JKAMP: variants seen among roughly 807,000 people sequenced by gnomAD.
The protein encoded by JKAMP is JNK1/MAPK8-associated membrane protein.
In JKAMP, 20 loss-of-function variants were observed where a neutral mutation model predicts 40.2. That is an observed-to-expected ratio of 0.50 (90% CI 0.35 to 0.72). JKAMP has a LOEUF of 0.72. Among genes scored for constraint, JKAMP ranks in the 30% least tolerant of loss-of-function variants. JKAMP has a pLI of 0.01. For synonymous variants in JKAMP, 138 were observed against 131.6 expected, an observed-to-expected ratio of 1.05 and a Z score of -0.33; for missense variants, 276 against 373.0, an observed-to-expected ratio of 0.74 and a Z score of 2.14.
Position 59,505,162 on chromosome 14 carries a change from G to T in JKAMP, c.*1090G>T. 3 of 660,122 alleles carry T rather than the reference G, an allele frequency of 4.5e-6. No individual in the cohort carries two copies. Among genetic ancestry groups the T allele is most frequent in the Non-Finnish European group, 7.2e-6 (3 of 418,148 alleles). 40.9% of individuals were successfully genotyped at this position (660,122 alleles called of 1,614,324 possible). On this transcript the variant is annotated 3_prime_UTR_variant, in exon 7 of 7. Coordinates refer to ENST00000616435, the MANE Select transcript of JKAMP (RefSeq NM_016475.5). The stretch of plus-strand genomic sequence containing the variant: ...ATGTTTAAGACTTCTATTAACAGCT[G>T]CAAAATATGAAAGTAAGTGCACTCA...
intron 6 of JKAMP, among the ~76,000 whole-genome samples, chr14:59,503,391 C>T (rs1323341436): frequency 6.6e-6 from 1 of 152,168 alleles, no homozygotes; most frequent in Non-Finnish European, 1.5e-5. Flanking sequence ...TGTGTCATTT[C>T]TGCCCCCTTA....
chr14:59,485,480 G>A, intron 1 of JKAMP: 1 of 184,048 alleles, frequency 5.4e-6, no homozygotes, highest in Non-Finnish European at 1.1e-5. Flanking sequence ...GGAGAAGGAA[G>A]TAAAAAGTCT....
intron 6 of JKAMP, among the ~76,000 whole-genome samples, chr14:59,503,189 C>T (rs569537420): frequency 6.6e-6 from 1 of 152,158 alleles, no homozygotes; most frequent in Non-Finnish European, 1.5e-5. Context: ...AAATGGGGAC[C>T]TAAAACGGAA....
intron 3 of JKAMP, among the ~76,000 whole-genome samples, chr14:59,494,230 T>G (rs1035091666): frequency 6.6e-6 from 1 of 151,402 alleles, no homozygotes; most frequent in African/African-American, 2.4e-5. Context: ...GTATTAAAAT[T>G]TAGAACATGT....
chr14:59,502,311 C>G (rs1157515685), intron 6 of JKAMP, among the ~76,000 whole-genome samples: 3 of 152,182 alleles, frequency 2.0e-5, no homozygotes, highest in Admixed American at 2.0e-4. Context: ...TGTCTCAGTA[C>G]TCTTCCATCC....
chr14:59,490,362 A>C (rs1566575657), intron 3 of JKAMP, among the ~76,000 whole-genome samples: 1 of 152,202 alleles, frequency 6.6e-6, no homozygotes, highest in Non-Finnish European at 1.5e-5. Flanking sequence ...CACCTCACTG[A>C]GGATTACATT....
At chr14:59,484,781 C>T (rs1354316763) in intron 1 of JKAMP, 188 bp downstream of exon 1, 2 of 913,908 alleles carry the variant, frequency 2.2e-6, no homozygotes, top group Non-Finnish European at 3.2e-6. Flanking sequence ...CCGCAACGGG[C>T]TACTAGGGGA....
At position 59,504,450 on chromosome 14, in the gene JKAMP, T is replaced by G. The variant is rs1956367; in HGVS notation, c.*378T>G. On this transcript the variant is annotated 3_prime_UTR_variant, in exon 7 of 7. Coordinates refer to ENST00000616435, the MANE Select transcript of JKAMP (RefSeq NM_016475.5). ...GTCCTTAACAGTGGCGTAATTGTAC[T>G]TACCTGTTGTGTTTCAGTTTGTTTT... is the stretch of plus-strand genomic sequence containing the variant. 168,665 of 174,510 alleles carry G rather than the reference T, an allele frequency of 0.97. 81,768 individuals are homozygous for G. Among genetic ancestry groups the G allele is most frequent in the East Asian group, 1 (6,196 of 6,196 alleles). 10.8% of individuals were successfully genotyped at this position (174,510 alleles called of 1,614,324 possible). A position where few individuals can be genotyped will look rare whatever the true frequency, so the allele number is the denominator to read the frequency against.
chr14:59,490,204 G>C (rs1004904998), intron 3 of JKAMP, among the ~76,000 whole-genome samples: 2 of 152,148 alleles, frequency 1.3e-5, no homozygotes. Flanking sequence ...TTATAGATGT[G>C]AGCCACCATG....
intron 3 of JKAMP, among the ~76,000 whole-genome samples, chr14:59,490,241 C>A (rs1890889966): frequency 6.6e-6 from 1 of 152,130 alleles, no homozygotes; most frequent in African/African-American, 2.4e-5. Context: ...TTTTAAACAA[C>A]CAAATCTCAC....
chr14:59,486,776 G>A lies in JKAMP; in HGVS notation c.68G>A (p.Gly23Asp). ...YCGKTLLFKN[G>D]STEIYGECGV... ...GGGAAGACCCTATTATTTAAAAATGGCTCAACTGAAATATATGGAGAATGT... is the reference window on the plus strand; with the variant it reads ...GGGAAGACCCTATTATTTAAAAATGACTCAACTGAAATATATGGAGAATGT... Residue 23 changes from glycine (G) to aspartate (D), a missense_variant, in exon 2 of 7, where the codon GGC (glycine) becomes GAC (aspartate). Transcript: ENST00000616435. 1 of 1,590,462 alleles carries A rather than the reference G, an allele frequency of 6.3e-7. No homozygotes were observed.
intron 2 of JKAMP, 47 bp downstream of exon 2, chr14:59,486,851 CT>C (rs749694111): frequency 1.6e-6 from 2 of 1,245,176 alleles, no homozygotes; most frequent in Non-Finnish European, 2.3e-6. Context: ...AATCTATTTG[CT>C]TTTGAAATAT....
intron 5 of JKAMP, among the ~76,000 whole-genome samples, chr14:59,500,109 A>G (rs1242048715): frequency 6.6e-6 from 1 of 152,170 alleles, no homozygotes; most frequent in Non-Finnish European, 1.5e-5. Flanking sequence ...ATCATTAGCA[A>G]CATTGTTTAG....
Position 59,504,010 on chromosome 14 carries a change from T to C in JKAMP, c.874T>C (p.Leu292=), listed in dbSNP as rs1566585113. ...GGTACCTACACCAGCCCTTTTTTAC[T>C]TGTTCACTGCAAAATTTACCGAACC... ...ALVPTPALFY[L]FTAKFTEPSR... Residue 292 remains leucine, a synonymous_variant, in exon 7 of 7, where the codon TTG becomes CTG. Coordinates refer to ENST00000616435, the MANE Select transcript of JKAMP (RefSeq NM_016475.5). The C allele has an allele frequency of 1.2e-6, 2 of 1,613,836 alleles. No individual in the cohort carries two copies. The highest frequency in any genetic ancestry group is 2.2e-5 in the East Asian group (1 of 44,866).
At chr14:59,492,804 T>C (rs1316270876) in intron 3 of JKAMP, among the ~76,000 whole-genome samples, 2 of 151,240 alleles carry the variant, frequency 1.3e-5, no homozygotes, top group African/African-American at 4.9e-5. Flanking sequence ...GCTATTTTTT[T>C]TTTTTTTTTT....
At chr14:59,501,841 C>T (rs1037003881) in intron 6 of JKAMP, among the ~76,000 whole-genome samples, 1 of 152,108 alleles carries the variant, frequency 6.6e-6, no homozygotes, top group African/African-American at 2.4e-5. Flanking sequence ...TTTAATATTT[C>T]AGTGGAAGGC....
intron 1 of JKAMP, chr14:59,485,206 G>A: frequency 1.4e-6 from 2 of 1,403,952 alleles, no homozygotes; most frequent in Non-Finnish European, 2.0e-6. Flanking sequence ...TGATATTCAC[G>A]TGTATTTATT....
chr14:59,496,164 C>G (rs988554580), intron 4 of JKAMP, among the ~76,000 whole-genome samples: 1 of 152,126 alleles, frequency 6.6e-6, no homozygotes, highest in African/African-American at 2.4e-5. Context: ...CCTTGGCCTC[C>G]CAAAGTGATG....
At chr14:59,498,558 G>A (rs1052208301) in intron 4 of JKAMP, among the ~76,000 whole-genome samples, 169 bp from the exon 5 acceptor site, 1 of 152,268 alleles carries the variant, frequency 6.6e-6, no homozygotes, top group African/African-American at 2.4e-5. Flanking sequence ...ACCCTTGCTA[G>A]CCGTGTATGA....
Sources: gnomAD v4.1 joint callset for allele counts (sites outside exome capture counted in the v4.1 genomes callset) on GRCh38, gnomAD v4.1.1 for gene constraint, MANE v1.5 for transcripts, NCBI Gene and HGNC (gene_info 2026-07-23, HGNC 2026-07-21) for gene names.